Variants in ADAMTS17 observed in about 807,000 individuals in gnomAD.
The protein encoded by ADAMTS17 is A disintegrin and metalloproteinase with thrombospondin motifs 17.
ADAMTS17 carries 113 observed loss-of-function variants against 141.5 expected under a neutral mutation model. The ratio of observed to expected loss-of-function variants is 0.80; its 90% CI spans 0.69 to 0.93. The LOEUF (loss-of-function observed/expected upper bound fraction) is 0.93. ADAMTS17 is among the 40% of genes least tolerant of loss of function. The pLI is 0.00. For missense variants in ADAMTS17, 1,659 were observed against 1,517.9 expected, an observed-to-expected ratio of 1.09 and a Z score of -1.54; for synonymous variants, 768 against 630.6, an observed-to-expected ratio of 1.22 and a Z score of -3.27.
At chr15:100,014,711 G>A (rs2061253834) in intron 18 of ADAMTS17, among the ~76,000 whole-genome samples, 1 of 152,124 alleles carries the variant, frequency 6.6e-6, no homozygotes, top group South Asian at 2.1e-4. Flanking sequence ...TTATTCTACT[G>A]TGGTCTGAGA....
At chr15:100,200,117 G>A (rs528770625) in intron 7 of ADAMTS17, among the ~76,000 whole-genome samples, 37 of 152,324 alleles carry the variant, frequency 2.4e-4, no homozygotes, top group African/African-American at 8.7e-4. Flanking sequence ...CAAGCCAAAC[G>A]TGTGTCTCCA....
rs1225280592 is a variant in ADAMTS17, at chr15:99,994,652, C to T, written c.2797-1452G>A. ...TGCAATATCGGCTCACTGCAACCTCCGCCTCCCGGGTTCAAGCGATTCTCC... is the reference window on the plus strand; with the variant it reads ...TGCAATATCGGCTCACTGCAACCTCTGCCTCCCGGGTTCAAGCGATTCTCC... On this transcript the variant is annotated intron_variant, in intron 19 of 21. Transcript: ENST00000268070. Among the ~76,000 whole-genome samples, 10 of 152,288 alleles carry T rather than the reference C, an allele frequency of 6.6e-5. No homozygotes were observed. The Middle Eastern group carries it at 0.01, about 155-fold the overall frequency.
chr15:100,141,658 C>A (rs554583319), intron 10 of ADAMTS17, among the ~76,000 whole-genome samples: 1 of 152,282 alleles, frequency 6.6e-6, no homozygotes, highest in African/African-American at 2.4e-5. Flanking sequence ...CGTCACCTGG[C>A]TGGGGTTGGG....
intron 7 of ADAMTS17, among the ~76,000 whole-genome samples, chr15:100,210,196 A>G (rs376799604): frequency 7.6e-6 from 1 of 131,650 alleles, no homozygotes; most frequent in East Asian, 2.3e-4. Context: ...GTGCCACTGC[A>G]CTCCAGCCTG....
At chr15:100,079,231 C>T (rs1242363017) in intron 15 of ADAMTS17, among the ~76,000 whole-genome samples, 1 of 152,204 alleles carries the variant, frequency 6.6e-6, no homozygotes, top group East Asian at 1.9e-4. Context: ...AACATGTCCA[C>T]ATGGTAACTC....
intron 4 of ADAMTS17, among the ~76,000 whole-genome samples, chr15:100,274,254 C>G (rs942638588): frequency 9.9e-5 from 15 of 152,172 alleles, no homozygotes; most frequent in Non-Finnish European, 1.8e-4. Context: ...GTTCTATCTA[C>G]TAATGAGAGT....
intron 14 of ADAMTS17, among the ~76,000 whole-genome samples, chr15:100,102,744 C>T (rs1233658041): frequency 6.6e-6 from 1 of 152,190 alleles, no homozygotes; most frequent in Non-Finnish European, 1.5e-5. Context: ...CAGAGACCTC[C>T]CTGCCTGCTC....
intron 7 of ADAMTS17, among the ~76,000 whole-genome samples, chr15:100,207,183 G>T (rs1169076423): frequency 6.6e-6 from 1 of 152,022 alleles, no homozygotes; most frequent in South Asian, 2.1e-4. Flanking sequence ...AAGAAGAAGA[G>T]ACACTAGAGG....
At chr15:100,116,071 C>T (rs114842092) in intron 13 of ADAMTS17, among the ~76,000 whole-genome samples, 1,666 of 139,260 alleles carry the variant, frequency 0.012, 36 homozygotes, top group African/African-American at 0.042. Context: ...TACCGATAAA[C>T]GGGTTCATAT....
chr15:100,242,986 C>A (rs952939604), intron 7 of ADAMTS17, among the ~76,000 whole-genome samples: 1 of 152,220 alleles, frequency 6.6e-6, no homozygotes, highest in Non-Finnish European at 1.5e-5. Context: ...TTCCCCATGA[C>A]CGCGTTCCTC....
At chr15:99,981,353 G>GCAGGACCAGGT (rs2060478981) in intron 20 of ADAMTS17, among the ~76,000 whole-genome samples, 1 of 152,150 alleles carries the variant, frequency 6.6e-6, no homozygotes, top group African/African-American at 2.4e-5. Context: ...CCCCCATGAG[G>GCAGGACCAGGT]CAGGGCCAGG....
intron 7 of ADAMTS17, among the ~76,000 whole-genome samples, chr15:100,231,718 G>C (rs2042487835): frequency 6.6e-6 from 1 of 152,164 alleles, no homozygotes; most frequent in South Asian, 2.1e-4. Context: ...TCAGGTGCCG[G>C]TTTTTCTTGA....
chr15:100,233,519 T>C (rs1239052621), intron 7 of ADAMTS17, among the ~76,000 whole-genome samples: 1 of 152,108 alleles, frequency 6.6e-6, no homozygotes, highest in African/African-American at 2.4e-5. Context: ...TATGTTTAAA[T>C]GTTTTGATTA....
At chr15:100,125,703 C>T (rs998568614) in intron 12 of ADAMTS17, among the ~76,000 whole-genome samples, 1 of 152,194 alleles carries the variant, frequency 6.6e-6, no homozygotes, top group Admixed American at 6.5e-5. Flanking sequence ...CTCCCACCAA[C>T]AGCAACATAA....
chr15:100,321,389 C>T (rs2045729680), intron 3 of ADAMTS17, among the ~76,000 whole-genome samples: 1 of 151,994 alleles, frequency 6.6e-6, no homozygotes, highest in African/African-American at 2.4e-5. Flanking sequence ...ACTAACTCTG[C>T]CAATGAAAAA....
rs572038291 is a variant in ADAMTS17 at position 100,024,048 on chromosome 15, C to A, written c.2591+24809G>T. 5.9e-5 allele frequency among the ~76,000 whole-genome samples: 9 copies of A among 152,170 alleles called. No individual in the cohort carries two copies. In the South Asian group the frequency reaches 1.5e-3, roughly 25 times the overall value. Reference sequence around the variant, plus strand: ...GTATACTGTGCATCGCTATTGATAGCGAAGCAATTCCTATGCAATCAAAAA... The same window carrying A: ...GTATACTGTGCATCGCTATTGATAGAGAAGCAATTCCTATGCAATCAAAAA... On this transcript the variant is annotated intron_variant, in intron 18 of 21. Transcript: ENST00000268070.
intron 14 of ADAMTS17, among the ~76,000 whole-genome samples, chr15:100,102,929 T>C (rs1478764082): frequency 6.6e-6 from 1 of 152,070 alleles, no homozygotes; most frequent in Non-Finnish European, 1.5e-5. Flanking sequence ...AGCCCACAGC[T>C]CTCGGTTTGG....
chr15:100,231,814 C>T (rs28718758), intron 7 of ADAMTS17, among the ~76,000 whole-genome samples: 2,743 of 152,186 alleles, frequency 0.018, 96 homozygotes, highest in African/African-American at 0.063. Context: ...CTCAGATTCG[C>T]CCCTGATTGT....
At chr15:100,042,876 G>A (rs948178487) in intron 18 of ADAMTS17, among the ~76,000 whole-genome samples, 1 of 152,044 alleles carries the variant, frequency 6.6e-6, no homozygotes, top group African/African-American at 2.4e-5. Context: ...GTTGACCACG[G>A]GTAACTGAAA....
Sources: gnomAD v4.1 joint callset for allele counts (sites outside exome capture counted in the v4.1 genomes callset) on GRCh38, gnomAD v4.1.1 for gene constraint, MANE v1.5 for transcripts, NCBI Gene and HGNC (gene_info 2026-07-23, HGNC 2026-07-21) for gene names.